The following HS3ST3B1 variants were observed in gnomAD, a reference collection of about 807,000 sequenced individuals.
The protein encoded by HS3ST3B1 is heparan sulfate glucosamine 3-O-sulfotransferase 3B1.
In HS3ST3B1, 13 loss-of-function variants were observed where a neutral mutation model predicts 21.3. The ratio of observed to expected loss-of-function variants is 0.61; its 90% CI spans 0.40 to 0.97. HS3ST3B1 has a LOEUF of 0.97. Ranked by LOEUF, HS3ST3B1 falls within the 50% of genes least tolerant of loss-of-function variation. HS3ST3B1 has a pLI of 0.00. For synonymous variants in HS3ST3B1, 234 were observed against 254.8 expected (o/e 0.92, Z 0.78); for missense variants, 459 against 554.8 (o/e 0.83, Z 1.73).
At chr17:14,331,142 C>CT (rs1330915686) in intron 1 of HS3ST3B1, among the ~76,000 whole-genome samples, 3 of 151,910 alleles carry the variant, frequency 2.0e-5, no homozygotes, top group Admixed American at 6.6e-5. Context: ...TTTTGTTTTG[C>CT]TTTTTTTTCC....
intron 1 of HS3ST3B1, among the ~76,000 whole-genome samples, chr17:14,344,642 G>T (rs1910495302): frequency 6.6e-6 from 1 of 152,150 alleles, no homozygotes. Context: ...TGAAATCTCT[G>T]GGAGTCCCGG....
intron 1 of HS3ST3B1, among the ~76,000 whole-genome samples, chr17:14,332,088 G>A (rs1910031396): frequency 6.6e-6 from 1 of 152,134 alleles, no homozygotes; most frequent in South Asian, 2.1e-4. Flanking sequence ...CGCATCCCTG[G>A]CTGGGTGTCT....
At chr17:14,341,742 C>T (rs1000085118) in intron 1 of HS3ST3B1, among the ~76,000 whole-genome samples, 4 of 152,114 alleles carry the variant, frequency 2.6e-5, no homozygotes, top group Admixed American at 2.0e-4. Context: ...TTTGGTATTC[C>T]TTCAATCGTG....
intron 1 of HS3ST3B1, among the ~76,000 whole-genome samples, chr17:14,344,319 G>A (rs1910484596): frequency 1.3e-5 from 2 of 152,142 alleles, no homozygotes; most frequent in Admixed American, 1.3e-4. Context: ...CTGACGTTTG[G>A]GGTACCGTTG....
chr17:14,318,949 C>A (rs1231870010), intron 1 of HS3ST3B1, among the ~76,000 whole-genome samples: 2 of 152,180 alleles, frequency 1.3e-5, no homozygotes, highest in Admixed American at 1.3e-4. Context: ...TGGAAGCCAC[C>A]TCATTTTACC....
chr17:14,315,132 T>C (rs1909456315), intron 1 of HS3ST3B1, among the ~76,000 whole-genome samples: 1 of 152,214 alleles, frequency 6.6e-6, no homozygotes, highest in Admixed American at 6.5e-5. Flanking sequence ...GGTCAGCCTT[T>C]TGCTGTGGAT....
chr17:14,309,772 C>G (rs971756026), intron 1 of HS3ST3B1, among the ~76,000 whole-genome samples: 4 of 152,324 alleles, frequency 2.6e-5, no homozygotes, highest in Admixed American at 1.3e-4. Flanking sequence ...TCCGAATGTT[C>G]GGCTCCCGAG....
chr17:14,342,100 C>T (rs747167008), intron 1 of HS3ST3B1, among the ~76,000 whole-genome samples: 1 of 152,140 alleles, frequency 6.6e-6, no homozygotes, highest in Non-Finnish European at 1.5e-5. Flanking sequence ...AGGGAATTGC[C>T]TTTTCTGGCT....
intron 1 of HS3ST3B1, among the ~76,000 whole-genome samples, chr17:14,318,649 G>A (rs980284438): frequency 2.6e-5 from 4 of 152,194 alleles, no homozygotes; most frequent in Non-Finnish European, 5.9e-5. Context: ...AAGAGAGGCT[G>A]AGAGGTAGAC....
rs200584936 is a variant in HS3ST3B1 at position 14,334,087 on chromosome 17, G to GGT, written c.555-10939_555-10938dup. On this transcript the variant is annotated intron_variant, in intron 1 of 1. Coordinates refer to ENST00000360954, the MANE Select transcript of HS3ST3B1 (RefSeq NM_006041.3). ...AGGCTGAGAACCTTTAAATATCGAT[G>GGT]GTGATCAGCTATGGAGGATGGGGTA... Among the ~76,000 whole-genome samples the GGT allele has an allele frequency of 7.4e-3, 1,130 of 152,192 alleles. 4 individuals are homozygous for GGT. Among genetic ancestry groups the GGT allele is most frequent in the Middle Eastern group, 0.014 (4 of 294 alleles).
At chr17:14,316,789 G>A (rs1037499424) in intron 1 of HS3ST3B1, among the ~76,000 whole-genome samples, 8 of 152,226 alleles carry the variant, frequency 5.3e-5, no homozygotes, top group African/African-American at 1.9e-4. Context: ...GGAAACAAAG[G>A]AAACTTTCAG....
chr17:14,302,042 G>A lies in HS3ST3B1; in HGVS notation c.524G>A (p.Arg175His). 6.2e-7 allele frequency: 1 copy of A among 1,606,304 alleles called. No homozygotes were observed. The highest frequency in any genetic ancestry group is 8.5e-7 in the Non-Finnish European group (1 of 1,179,158). The change falls in exon 1 of 2, where the codon CGC becomes CAC. Residue 175 changes from arginine (R) to histidine (H), a missense_variant. Around this residue, in one of 3 missense-constraint regions of HS3ST3B1, gnomAD observed 317 missense variants for 278.6 expected, o/e 1.14. Coordinates refer to ENST00000360954, the MANE Select transcript of HS3ST3B1 (RefSeq NM_006041.3). ...GGCGCCGAGCCCCATTTCTTCGATCGCAGCTACGACAAGGGCCTCGCTTGG... is the reference window on the plus strand; with the variant it reads ...GGCGCCGAGCCCCATTTCTTCGATCACAGCTACGACAAGGGCCTCGCTTGG... ...AVGAEPHFFD[R>H]SYDKGLAWYR...
intron 1 of HS3ST3B1, among the ~76,000 whole-genome samples, chr17:14,344,808 C>T (rs1910499838): frequency 6.6e-6 from 1 of 152,204 alleles, no homozygotes; most frequent in South Asian, 2.1e-4. Context: ...TTCTACCTTG[C>T]ATGAAGGGGC....
At chr17:14,317,313 A>G (rs1261375407) in intron 1 of HS3ST3B1, among the ~76,000 whole-genome samples, 2 of 152,236 alleles carry the variant, frequency 1.3e-5, no homozygotes, top group African/African-American at 4.8e-5. Flanking sequence ...CTTGTCTACC[A>G]TTCATTCATT....
intron 1 of HS3ST3B1, among the ~76,000 whole-genome samples, chr17:14,319,045 T>A (rs1909580934): frequency 6.6e-6 from 1 of 152,138 alleles, no homozygotes; most frequent in African/African-American, 2.4e-5. Context: ...TTGTGGTTGA[T>A]CAGCCTCCAG....
chr17:14,316,664 A>G (rs1015165537), intron 1 of HS3ST3B1, among the ~76,000 whole-genome samples: 12 of 152,152 alleles, frequency 7.9e-5, no homozygotes, highest in African/African-American at 2.9e-4. Flanking sequence ...CCACATGTAA[A>G]CATTGGCAGC....
intron 1 of HS3ST3B1, among the ~76,000 whole-genome samples, chr17:14,318,671 C>G (rs1034367597): frequency 1.3e-5 from 2 of 152,178 alleles, no homozygotes; most frequent in Non-Finnish European, 2.9e-5. Flanking sequence ...CAAGAGGGCA[C>G]AGCCAGGAGG....
rs1237525039 is a variant in HS3ST3B1, at chr17:14,346,524, A to G, written c.*878A>G. On this transcript the variant is annotated 3_prime_UTR_variant, in exon 2 of 2. Coordinates refer to ENST00000360954, the MANE Select transcript of HS3ST3B1 (RefSeq NM_006041.3). ...CCTTGGCCTCCAAAGTGTTGGGATTATAGGCGTGAGCCACTGCGCCCGCTA... is the reference window on the plus strand; with the variant it reads ...CCTTGGCCTCCAAAGTGTTGGGATTGTAGGCGTGAGCCACTGCGCCCGCTA... 1 of 152,260 alleles carries G rather than the reference A, an allele frequency of 6.6e-6. No homozygotes were observed. The highest frequency in any genetic ancestry group is 1.5e-5 in the Non-Finnish European group (1 of 68,120). 9.4% of individuals were successfully genotyped at this position (152,260 alleles called of 1,614,324 possible).
At position 14,301,512 on chromosome 17, in the gene HS3ST3B1, G is replaced by A. The variant is rs1195129228; in HGVS notation, c.-7G>A. The A allele has an allele frequency of 2.0e-6, 3 of 1,516,618 alleles. No homozygotes were observed. The highest frequency in any genetic ancestry group is 1.8e-6 in the Non-Finnish European group (2 of 1,142,242). The allele number at this position is 1,516,618 out of a possible 1,614,324, so 93.9% of individuals were successfully genotyped here. A position where few individuals can be genotyped will look rare whatever the true frequency, so the allele number is the denominator to read the frequency against. ...GCCATGTCCCTGGCCGCGCCCGCGG[G>A]CAGCGCATGGGGCAGCGCCTGAGTG... On this transcript the variant is annotated 5_prime_UTR_variant, in exon 1 of 2. Coordinates refer to ENST00000360954, the MANE Select transcript of HS3ST3B1 (RefSeq NM_006041.3).
Sources: gnomAD v4.1 joint callset for allele counts (sites outside exome capture counted in the v4.1 genomes callset) on GRCh38, gnomAD v4.1.1 for gene constraint, gnomAD v4.1.1 regional missense constraint, MANE v1.5 for transcripts, NCBI Gene and HGNC (gene_info 2026-07-23, HGNC 2026-07-21) for gene names.